The following CFAP54 variants were observed in gnomAD, a reference collection of about 807,000 sequenced individuals.
The protein encoded by CFAP54 is cilia and flagella associated protein 54.
CFAP54 carries 290 observed loss-of-function variants against 370.4 expected under a neutral mutation model. The observed-to-expected ratio is 0.78, with a 90% CI of 0.71 to 0.86. CFAP54 has a LOEUF of 0.86. Among genes scored for constraint, CFAP54 ranks in the 40% least tolerant of loss-of-function variants. The pLI, the probability that CFAP54 is intolerant of heterozygous loss-of-function variation, is 0.00. For missense variants in CFAP54, 3,399 were observed against 3,528.7 expected (o/e 0.96, Z 0.93); for synonymous variants, 1,206 against 1,236.5 (o/e 0.98, Z 0.52).
chr12:96,636,315 T>A (rs1054408717), intron 32 of CFAP54, among the ~76,000 whole-genome samples: 4 of 152,246 alleles, frequency 2.6e-5, no homozygotes, highest in Admixed American at 2.6e-4. Flanking sequence ...GAGTCTGTAA[T>A]CTTTTTTGAG....
At position 96,641,901 on chromosome 12, in the gene CFAP54, G is replaced by A. The variant is rs993091017; in HGVS notation, c.4317-2277G>A. ...AATGAGAACACATGGACACAGGAAG[G>A]GGAACATCACACACCGGGGCCTGTT... On this transcript the variant is annotated intron_variant, in intron 32 of 67. Transcript: ENST00000524981. 8.0e-5 allele frequency among the ~76,000 whole-genome samples: 12 copies of A among 150,236 alleles called. No homozygotes were observed. In the South Asian group the frequency reaches 2.6e-3, roughly 33 times the overall value.
chr12:96,639,358 A>G (rs991898926), intron 32 of CFAP54, among the ~76,000 whole-genome samples: 1 of 152,142 alleles, frequency 6.6e-6, no homozygotes, highest in Non-Finnish European at 1.5e-5. Flanking sequence ...TGACACATAC[A>G]CTCTCCCAAG....
intron 9 of CFAP54, among the ~76,000 whole-genome samples, chr12:96,528,871 T>G (rs533970912): frequency 2.0e-5 from 3 of 152,292 alleles, no homozygotes; most frequent in Non-Finnish European, 4.4e-5. Context: ...GCTTAGATCA[T>G]TGATTTTTAG....
chr12:96,685,658 T>C (rs1460335356), intron 42 of CFAP54, among the ~76,000 whole-genome samples: 1 of 152,110 alleles, frequency 6.6e-6, no homozygotes, highest in East Asian at 1.9e-4. Flanking sequence ...TTCGAGATTC[T>C]CCTGCCTCAG....
intron 64 of CFAP54, among the ~76,000 whole-genome samples, chr12:96,813,107 TATGATGAAA>T (rs2136729224): frequency 6.6e-6 from 1 of 152,326 alleles, no homozygotes. Flanking sequence ...TCCAGCCCCA[TATGATGAAA>T]ATGATTATAA....
At chr12:96,779,305 A>C (rs1332728537) in intron 60 of CFAP54, among the ~76,000 whole-genome samples, 26 of 152,010 alleles carry the variant, frequency 1.7e-4, no homozygotes, top group Admixed American at 1.7e-3. Flanking sequence ...CAGCTTTTGA[A>C]TTTTGTGTAA....
intron 26 of CFAP54, among the ~76,000 whole-genome samples, chr12:96,605,691 AAG>A (rs1321886420): frequency 2.0e-5 from 3 of 152,226 alleles, no homozygotes; most frequent in African/African-American, 7.2e-5. Flanking sequence ...TGAAGAATTA[AAG>A]AGAAGTCCAT....
intron 47 of CFAP54, among the ~76,000 whole-genome samples, chr12:96,705,371 G>T (rs1957536314): frequency 6.7e-6 from 1 of 149,996 alleles, no homozygotes; most frequent in Non-Finnish European, 1.5e-5. Context: ...CTATTATTGT[G>T]CATTTTATTC....
rs1342009923 is a variant in CFAP54, at chr12:96,623,851, G to A, written c.3856G>A (p.Glu1286Lys). The A allele has an allele frequency of 6.5e-7, 1 of 1,534,904 alleles. No individual in the cohort carries two copies. Among genetic ancestry groups the A allele is most frequent in the East Asian group, 2.4e-5 (1 of 40,894 alleles). The change falls in exon 28 of 68, where the codon GAG becomes AAG. Residue 1286 changes from glutamate (E) to lysine (K), a missense_variant. Transcript: ENST00000524981. ...EKINEQLALLETHLLKLTKQY... is the reference protein window; with the variant it reads ...EKINEQLALLKTHLLKLTKQY... ...GATAAATGAACAGCTGGCCTTGTTG[G>A]AGACACACCTACTCAAACTGACAAA...
chr12:96,648,924 CTG>C (rs1025006484), intron 34 of CFAP54, among the ~76,000 whole-genome samples: 13 of 152,118 alleles, frequency 8.5e-5, no homozygotes, highest in Admixed American at 8.5e-4. Flanking sequence ...GCTCTGGAAA[CTG>C]TAGTCTGACG....
chr12:96,640,179 C>T (rs1592900474), intron 32 of CFAP54, among the ~76,000 whole-genome samples: 1 of 152,088 alleles, frequency 6.6e-6, no homozygotes, highest in Admixed American at 6.6e-5. Context: ...TCTAGAAAAC[C>T]CCATTGTCTC....
chr12:96,710,661 G>A lies in CFAP54; in HGVS notation c.6724+1858G>A, dbSNP rs556243572. ...TTATCATTTCTACATCAGACATACA[G>A]AATTTTTTTTTTTTTGAGATGGAGT... On this transcript the variant is annotated intron_variant, in intron 48 of 67. Coordinates refer to ENST00000524981, the MANE Select transcript of CFAP54 (RefSeq NM_001306084.2). Among the ~76,000 whole-genome samples the A allele has an allele frequency of 1.9e-3, 293 of 151,834 alleles. 1 individual carries two copies. The highest frequency in any genetic ancestry group is 6.6e-3 in the African/African-American group (272 of 41,432).
intron 63 of CFAP54, among the ~76,000 whole-genome samples, chr12:96,798,304 G>C (rs1958787464): frequency 6.6e-6 from 1 of 151,864 alleles, no homozygotes. Context: ...ATCTTCTGGA[G>C]GCAAACACTT....
At chr12:96,590,422 T>C (rs1161079413) in intron 23 of CFAP54, among the ~76,000 whole-genome samples, 1 of 152,174 alleles carries the variant, frequency 6.6e-6, no homozygotes, top group Non-Finnish European at 1.5e-5. Context: ...TCTCAACAAA[T>C]TCAAAAGCAA....
At chr12:96,731,167 G>A (rs1957915645) in intron 50 of CFAP54, among the ~76,000 whole-genome samples, 1 of 152,204 alleles carries the variant, frequency 6.6e-6, no homozygotes, top group African/African-American at 2.4e-5. Flanking sequence ...AACTGTACTA[G>A]TAGTTACTGC....
chr12:96,716,216 G>A (rs1374252609), intron 48 of CFAP54, among the ~76,000 whole-genome samples: 2 of 152,166 alleles, frequency 1.3e-5, no homozygotes, highest in Non-Finnish European at 2.9e-5. Context: ...ATTTCTAGAT[G>A]TTAATCCTAG....
At chr12:96,765,890 T>C (rs1297722189) in intron 60 of CFAP54, among the ~76,000 whole-genome samples, 4 of 152,240 alleles carry the variant, frequency 2.6e-5, no homozygotes, top group African/African-American at 9.6e-5. Flanking sequence ...CATTTAACAT[T>C]CATTTATGTG....
At chr12:96,665,378 T>C (rs1335397416) in intron 39 of CFAP54, among the ~76,000 whole-genome samples, 1 of 152,170 alleles carries the variant, frequency 6.6e-6, no homozygotes, top group Non-Finnish European at 1.5e-5. Flanking sequence ...GACATCTTCA[T>C]CGTGAAATCT....
chr12:96,553,228 C>G (rs139113453), intron 15 of CFAP54, among the ~76,000 whole-genome samples: 224 of 152,186 alleles, frequency 1.5e-3, no homozygotes, highest in African/African-American at 5.2e-3. Context: ...TAACCAATCC[C>G]TGACTGACCC....
Sources: gnomAD v4.1 joint callset for allele counts (sites outside exome capture counted in the v4.1 genomes callset) on GRCh38, gnomAD v4.1.1 for gene constraint, MANE v1.5 for transcripts, NCBI Gene and HGNC (gene_info 2026-07-23, HGNC 2026-07-21) for gene names.